Variants in MYO3B observed in about 807,000 individuals in gnomAD.
The protein encoded by MYO3B is myosin IIIB.
Under a neutral mutation model 174.6 loss-of-function variants are expected in MYO3B, and 156 were observed. That is an observed-to-expected ratio of 0.89 (90% CI 0.78 to 1.02). The LOEUF (loss-of-function observed/expected upper bound fraction) is 1.02. Among genes scored for constraint, MYO3B ranks in the 50% least tolerant of loss-of-function variants. MYO3B has a pLI of 0.00. For synonymous variants in MYO3B, 563 were observed against 569.1 expected, an observed-to-expected ratio of 0.99 and a Z score of 0.15; for missense variants, 1,632 against 1,639.4, an observed-to-expected ratio of 1.00 and a Z score of 0.08.
chr2:170,524,537 G>A, intron 30 of MYO3B: 2 of 445,572 alleles, frequency 4.5e-6, no homozygotes, highest in Non-Finnish European at 9.0e-6. Flanking sequence ...AGGCTGGAGT[G>A]CAATAGCATG....
chr2:170,539,196 A>C (rs1424352498), intron 30 of MYO3B, among the ~76,000 whole-genome samples: 1 of 152,210 alleles, frequency 6.6e-6, no homozygotes, highest in Non-Finnish European at 1.5e-5. Context: ...ATCGAGCCAT[A>C]AAATAGGATT....
intron 17 of MYO3B, 103 bp from the exon 18 acceptor site, chr2:170,401,378 C>T: frequency 9.3e-7 from 1 of 1,073,304 alleles, no homozygotes; most frequent in Non-Finnish European, 1.4e-6. Flanking sequence ...GTCAAAAGTA[C>T]CCAAATGGAG....
chr2:170,590,023 G>T (rs1693725982), intron 32 of MYO3B, among the ~76,000 whole-genome samples: 1 of 152,174 alleles, frequency 6.6e-6, no homozygotes, highest in Non-Finnish European at 1.5e-5. Flanking sequence ...AGGAGCAAAG[G>T]CTGTACTGTA....
At chr2:170,217,807 T>G (rs1446114789) in intron 6 of MYO3B, among the ~76,000 whole-genome samples, 1 of 152,190 alleles carries the variant, frequency 6.6e-6, no homozygotes, top group African/African-American at 2.4e-5. Context: ...TGGCCCTGGT[T>G]GTTTTTTTGT....
intron 7 of MYO3B, among the ~76,000 whole-genome samples, chr2:170,279,091 T>C (rs543466351): frequency 1.3e-5 from 2 of 152,242 alleles, no homozygotes; most frequent in East Asian, 3.9e-4. Context: ...AATAGAAACA[T>C]GGGGGTGCAT....
intron 7 of MYO3B, among the ~76,000 whole-genome samples, chr2:170,294,587 T>C (rs1426243478): frequency 1.3e-5 from 2 of 152,152 alleles, no homozygotes; most frequent in Non-Finnish European, 2.9e-5. Flanking sequence ...TTTGAATTAA[T>C]GTATGCTTGG....
chr2:170,454,876 T>C (rs1683820908), intron 23 of MYO3B, among the ~76,000 whole-genome samples: 1 of 152,104 alleles, frequency 6.6e-6, no homozygotes, highest in South Asian at 2.1e-4. Context: ...GGGGGGACAG[T>C]GCATTAGGAG....
At chr2:170,556,055 G>T (rs866571790) in intron 32 of MYO3B, among the ~76,000 whole-genome samples, 1 of 151,978 alleles carries the variant, frequency 6.6e-6, no homozygotes, top group African/African-American at 2.4e-5. Context: ...AATTAGCTGG[G>T]CGTAATAGCA....
At chr2:170,601,472 AC>A (rs558820117) in intron 32 of MYO3B, among the ~76,000 whole-genome samples, 8 of 152,078 alleles carry the variant, frequency 5.3e-5, no homozygotes, top group Non-Finnish European at 1.0e-4. Flanking sequence ...TGTTAACTGT[AC>A]AAAAAAAGAC....
At chr2:170,424,010 G>A (rs2094640563) in intron 22 of MYO3B, among the ~76,000 whole-genome samples, 1 of 152,246 alleles carries the variant, frequency 6.6e-6, no homozygotes, top group Admixed American at 6.5e-5. Flanking sequence ...GTTAAGAGGT[G>A]TGAGCTGAAT....
At chr2:170,466,833 C>G (rs971386065) in intron 25 of MYO3B, 122 bp downstream of exon 25, 1 of 957,440 alleles carries the variant, frequency 1.0e-6, no homozygotes, top group Non-Finnish European at 1.5e-6. Context: ...TAGTTGCCAG[C>G]TACCATTTAC....
intron 32 of MYO3B, among the ~76,000 whole-genome samples, chr2:170,607,923 T>G (rs935719185): frequency 2.3e-4 from 35 of 152,310 alleles, no homozygotes; most frequent in African/African-American, 7.2e-4. Flanking sequence ...CTGCTTTGCT[T>G]GTTGATTTGA....
At chr2:170,503,456 TC>T (rs1173356319) in intron 28 of MYO3B, among the ~76,000 whole-genome samples, 1 of 83,132 alleles carries the variant, frequency 1.2e-5, no homozygotes, top group Non-Finnish European at 2.4e-5. Flanking sequence ...TAAGGGTGTC[TC>T]CCTTTTTTTT....
chr2:170,542,963 C>A lies in MYO3B; in HGVS notation c.3633C>A (p.Asn1211Lys). The change falls in exon 31 of 35, where the codon AAC becomes AAA. Residue 1211 changes from asparagine to lysine, a missense_variant. Transcript: ENST00000408978. ...KGCDIFAGHA[N>K]KHSVSGTDLL... Reference sequence around the variant, plus strand: ...GCGATATCTTCGCAGGACATGCAAACAAGGTAGCTGGATATCTTGATTCCA... The same window carrying A: ...GCGATATCTTCGCAGGACATGCAAAAAAGGTAGCTGGATATCTTGATTCCA... The A allele has an allele frequency of 1.2e-6, 2 of 1,608,824 alleles. No individual in the cohort carries two copies. The highest frequency in any genetic ancestry group is 1.7e-6 in the Non-Finnish European group (2 of 1,177,004).
chr2:170,410,066 A>G (rs553100099), intron 22 of MYO3B, among the ~76,000 whole-genome samples: 65 of 152,344 alleles, frequency 4.3e-4, no homozygotes, highest in African/African-American at 1.5e-3. Flanking sequence ...CACTAGAAGC[A>G]AGATCCCACA....
chr2:170,201,762 A>G (rs2092664852), intron 3 of MYO3B, among the ~76,000 whole-genome samples: 1 of 149,494 alleles, frequency 6.7e-6, no homozygotes, highest in African/African-American at 2.5e-5. Flanking sequence ...AAGCTGTTTA[A>G]CAATGCTATT....
At chr2:170,330,081 C>T (rs2093901237) in intron 7 of MYO3B, among the ~76,000 whole-genome samples, 2 of 152,068 alleles carry the variant, frequency 1.3e-5, no homozygotes, top group Admixed American at 1.3e-4. Flanking sequence ...CTGTTATTCC[C>T]CTTCTCCCCT....
At chr2:170,537,448 A>ATTTGTTTTTTTTT (rs1689788852) in intron 30 of MYO3B, among the ~76,000 whole-genome samples, 1 of 54,804 alleles carries the variant, frequency 1.8e-5, no homozygotes, top group African/African-American at 8.2e-5. Flanking sequence ...GAGCTCTTTG[A>ATTTGTTTTTTTTT]TTTTTTTTTT....
intron 32 of MYO3B, chr2:170,641,383 G>T (rs1222033167): frequency 6.6e-6 from 1 of 152,042 alleles, no homozygotes; most frequent in African/African-American, 2.4e-5. Context: ...ACAATTTCTG[G>T]ATGGCGATTG....
Sources: allele counts gnomAD v4.1 joint callset (sites outside exome capture counted in the v4.1 genomes callset), GRCh38; gene constraint gnomAD v4.1.1; transcripts MANE v1.5; gene names NCBI Gene and HGNC (gene_info 2026-07-23, HGNC 2026-07-21).